The following KAT2B variants were observed in gnomAD, a reference collection of about 807,000 sequenced individuals.
KAT2B encodes histone acetyltransferase KAT2B.
KAT2B carries 36 observed loss-of-function variants against 105.9 expected under a neutral mutation model. The observed-to-expected ratio is 0.34, with a 90% CI of 0.26 to 0.45. KAT2B has a LOEUF of 0.45. KAT2B is among the 20% of genes least tolerant of loss of function. KAT2B has a pLI of 1.00. For synonymous variants in KAT2B, 397 were observed against 377.9 expected, an observed-to-expected ratio of 1.05 and a Z score of -0.59; for missense variants, 820 against 1,021.6, an observed-to-expected ratio of 0.80 and a Z score of 2.69.
intron 2 of KAT2B, among the ~76,000 whole-genome samples, chr3:20,082,799 T>TA (rs1436528423): frequency 5.9e-5 from 9 of 152,068 alleles, no homozygotes; most frequent in African/African-American, 2.2e-4. Context: ...ACCAAATACG[T>TA]AAGCATTTGC....
intron 1 of KAT2B, among the ~76,000 whole-genome samples, chr3:20,067,162 C>T (rs765338229): frequency 5.9e-5 from 9 of 152,166 alleles, no homozygotes; most frequent in African/African-American, 9.7e-5. Flanking sequence ...ATACTTTGTA[C>T]TGGGATCCCA....
intron 1 of KAT2B, among the ~76,000 whole-genome samples, chr3:20,046,816 A>G (rs928318860): frequency 6.6e-6 from 1 of 152,102 alleles, no homozygotes; most frequent in East Asian, 1.9e-4. Flanking sequence ...CCCAGGAGCT[A>G]TTTAACCTCC....
chr3:20,062,856 G>A (rs1016080444), intron 1 of KAT2B, among the ~76,000 whole-genome samples: 4 of 151,930 alleles, frequency 2.6e-5, no homozygotes, highest in African/African-American at 9.7e-5. Context: ...CAAGTCCTTT[G>A]CCCATTGTAA....
At position 20,122,787 on chromosome 3, in the gene KAT2B, G is replaced by A; in HGVS notation, c.1396G>A (p.Ala466Thr). ...TATGTCTACCATCACGGACCCTGCAGCAATGCTTGGACCAGAGGTCAGCAG... is the reference window on the plus strand; with the variant it reads ...TATGTCTACCATCACGGACCCTGCAACAATGCTTGGACCAGAGGTCAGCAG... ...EVMSTITDPAAMLGPETNFLS... is the reference protein window; with the variant it reads ...EVMSTITDPATMLGPETNFLS... Residue 466 changes from alanine (A) to threonine (T), a missense_variant, in exon 9 of 18, where the codon GCA becomes ACA. Physicochemically the swap from Ala to Thr is moderately conservative, Grantham distance 58 (BLOSUM62 0). Around this residue, in one of 6 missense-constraint regions of KAT2B, gnomAD observed 225 missense variants for 268.1 expected, o/e 0.84. Transcript: ENST00000263754. 1 of 1,613,324 alleles carries A rather than the reference G, an allele frequency of 6.2e-7. No individual in the cohort carries two copies. The highest frequency in any genetic ancestry group is 8.5e-7 in the Non-Finnish European group (1 of 1,179,530).
At chr3:20,043,283 G>C (rs1475745800) in intron 1 of KAT2B, among the ~76,000 whole-genome samples, 1 of 152,162 alleles carries the variant, frequency 6.6e-6, no homozygotes, top group Non-Finnish European at 1.5e-5. Context: ...ATTGGGCTAG[G>C]TGCTGGGCCT....
At position 20,097,713 on chromosome 3, in the gene KAT2B, T is replaced by A. The variant is rs534728013; in HGVS notation, c.577-2149T>A. ...CGCCATGCCCGGCTAATATTTGTAT[T>A]TTTAGTAGAGATGGGGTTTCACATT... On this transcript the variant is annotated intron_variant, in intron 3 of 17. Coordinates refer to ENST00000263754, the MANE Select transcript of KAT2B (RefSeq NM_003884.5). 1.2e-4 allele frequency among the ~76,000 whole-genome samples: 19 copies of A among 152,148 alleles called. 1 individual carries two copies. The South Asian group carries it at 3.7e-3, about 30-fold the overall frequency.
At chr3:20,060,798 A>T (rs1459164045) in intron 1 of KAT2B, among the ~76,000 whole-genome samples, 2 of 152,064 alleles carry the variant, frequency 1.3e-5, no homozygotes, top group African/African-American at 4.8e-5. Context: ...AAAATAAATT[A>T]TCCAGGTGTA....
chr3:20,144,642 G>A (rs919531812), intron 13 of KAT2B, among the ~76,000 whole-genome samples: 3 of 149,796 alleles, frequency 2.0e-5, no homozygotes, highest in Non-Finnish European at 3.0e-5. Context: ...TAAATAAATG[G>A]ACTTAAAATA....
At chr3:20,061,938 CAT>C (rs201721343) in intron 1 of KAT2B, among the ~76,000 whole-genome samples, 5,251 of 100,202 alleles carry the variant, frequency 0.052, 698 homozygotes, top group African/African-American at 0.21. Flanking sequence ...ATATATAAAA[CAT>C]AATATATATT....
At chr3:20,131,888 T>C (rs976813084) in intron 11 of KAT2B, among the ~76,000 whole-genome samples, 7 of 152,236 alleles carry the variant, frequency 4.6e-5, no homozygotes, top group African/African-American at 1.7e-4. Context: ...TAAGTATTTA[T>C]TTACTATATT....
At chr3:20,047,359 A>G (rs527874752) in intron 1 of KAT2B, among the ~76,000 whole-genome samples, 1 of 152,298 alleles carries the variant, frequency 6.6e-6, no homozygotes, top group South Asian at 2.1e-4. Flanking sequence ...GGCATGAACC[A>G]CCACGCCTAG....
chr3:20,063,803 A>T (rs1698180567), intron 1 of KAT2B, among the ~76,000 whole-genome samples: 1 of 151,172 alleles, frequency 6.6e-6, no homozygotes, highest in Non-Finnish European at 1.5e-5. Context: ...GGCCTCCCCA[A>T]GTGCTGGGAT....
At chr3:20,144,731 A>C (rs180830658) in intron 13 of KAT2B, among the ~76,000 whole-genome samples, 3 of 151,618 alleles carry the variant, frequency 2.0e-5, no homozygotes, top group Non-Finnish European at 4.4e-5. Context: ...TGAGGACTTG[A>C]TATGTGGTTA....
At chr3:20,093,473 G>T (rs959625680) in intron 2 of KAT2B, among the ~76,000 whole-genome samples, 2 of 152,144 alleles carry the variant, frequency 1.3e-5, no homozygotes, top group African/African-American at 2.4e-5. Flanking sequence ...GGAGCTGCTG[G>T]TAGTTGGAAA....
At chr3:20,130,873 G>A (rs992221640) in intron 11 of KAT2B, among the ~76,000 whole-genome samples, 3 of 151,536 alleles carry the variant, frequency 2.0e-5, no homozygotes, top group African/African-American at 4.8e-5. Context: ...GTGTGTGTGC[G>A]TGCATGTGTG....
Position 20,062,258 on chromosome 3 carries a change from TG to T in KAT2B, c.304-10074del, listed in dbSNP as rs371812623. On this transcript the variant is annotated intron_variant, in intron 1 of 17. Transcript: ENST00000263754. Reference sequence around the variant, plus strand: ...TATAAAATATATAATATATAAAATATGATATATAATATATAATATATAAAAT... The same window carrying T: ...TATAAAATATATAATATATAAAATATATATATAATATATAATATATAAAAT... Among the ~76,000 whole-genome samples, 62 of 12,558 alleles carry T rather than the reference TG, an allele frequency of 4.9e-3. 6 individuals are homozygous for T. Among genetic ancestry groups the T allele is most frequent in the African/African-American group, 0.021 (59 of 2,824 alleles). The allele number at this position is 12,558 out of a possible 152,430, so 8.2% of individuals were successfully genotyped here.
intron 7 of KAT2B, 105 bp from the exon 8 acceptor site, chr3:20,119,493 T>C: frequency 8.8e-7 from 1 of 1,136,662 alleles, no homozygotes; most frequent in Non-Finnish European, 1.3e-6. Context: ...ATGACTTATT[T>C]TGTGGCATTG....
chr3:20,059,294 G>T (rs1698055556), intron 1 of KAT2B, among the ~76,000 whole-genome samples: 1 of 150,376 alleles, frequency 6.6e-6, no homozygotes, highest in Non-Finnish European at 1.5e-5. Context: ...GCGTCTAGTA[G>T]TCCCAGCTAC....
chr3:20,047,990 A>T (rs1188779884), intron 1 of KAT2B, among the ~76,000 whole-genome samples: 1 of 152,206 alleles, frequency 6.6e-6, no homozygotes, highest in African/African-American at 2.4e-5. Context: ...AATTAGAAAT[A>T]TCTTTTTGGC....
Sources: gnomAD v4.1 joint callset for allele counts (sites outside exome capture counted in the v4.1 genomes callset) on GRCh38, gnomAD v4.1.1 for gene constraint, gnomAD v4.1.1 regional missense constraint, MANE v1.5 for transcripts, NCBI Gene and HGNC (gene_info 2026-07-23, HGNC 2026-07-21) for gene names.